The following DNAH17 variants were observed in gnomAD, a reference collection of about 807,000 sequenced individuals.
The protein encoded by DNAH17 is dynein axonemal heavy chain 17, also known as axonemal beta dynein heavy chain 17.
In DNAH17, 376 loss-of-function variants were observed where a neutral mutation model predicts 485.6. The observed-to-expected ratio is 0.77, with a 90% CI of 0.71 to 0.84. The LOEUF (loss-of-function observed/expected upper bound fraction) is 0.84, where lower values mean the gene tolerates loss of function less well. Among genes scored for constraint, DNAH17 ranks in the 40% least tolerant of loss-of-function variants. The pLI is 0.00. For synonymous variants in DNAH17, 3,031 were observed against 2,405.9 expected, an observed-to-expected ratio of 1.26 and a Z score of -7.60; for missense variants, 6,370 against 5,839.3, an observed-to-expected ratio of 1.09 and a Z score of -2.96.
rs775233102 is a variant in DNAH17 at position 78,454,615 on chromosome 17, T to C, written c.10261A>G (p.Ser3421Gly). 6.2e-7 allele frequency: 1 copy of C among 1,613,040 alleles called. No individual in the cohort carries two copies. Among genetic ancestry groups the C allele is most frequent in the Non-Finnish European group, 8.5e-7 (1 of 1,179,854 alleles). The change falls in exon 64 of 81, where the codon AGC becomes GGC. Residue 3421 changes from serine (S) to glycine (G), a missense_variant. Coordinates refer to ENST00000389840, the MANE Select transcript of DNAH17 (RefSeq NM_173628.4). ...GCATTCTCGGTGGACATGCGGTCGC[T>C]GGGGAGGCCCTGGTTGTTCCAGGTG... ...VATWNNQGLP[S>G]DRMSTENATI...
chr17:78,467,609 G>C (rs961051900), intron 55 of DNAH17, among the ~76,000 whole-genome samples: 1 of 152,182 alleles, frequency 6.6e-6, no homozygotes, highest in Non-Finnish European at 1.5e-5. Context: ...ATGGCCGGCA[G>C]GTGTCCAGGA....
In DNAH17 at chr17:78,571,368, G is replaced by A. The variant is rs781324328; in HGVS notation, c.743C>T (p.Pro248Leu). ...GATCTCAACAATCTTGTTCACTTTG[G>A]GTCTGTTTAGCTGAGAAGGGGAGTG... ...LKCIHEQLNR[P>L]KVNKIVEILE... Residue 248 changes from proline to leucine, a missense_variant, in exon 5 of 81, where the codon CCC becomes CTC. Pro to Leu is a moderately conservative substitution (Grantham distance 98, BLOSUM62 -3). Coordinates refer to ENST00000389840, the MANE Select transcript of DNAH17 (RefSeq NM_173628.4). 3 of 1,613,502 alleles carry A rather than the reference G, an allele frequency of 1.9e-6. No individual in the cohort carries two copies. Among genetic ancestry groups the A allele is most frequent in the Non-Finnish European group, 2.5e-6 (3 of 1,179,592 alleles).
intron 62 of DNAH17, among the ~76,000 whole-genome samples, chr17:78,458,112 T>C (rs943322190): frequency 2.0e-5 from 3 of 152,240 alleles, no homozygotes; most frequent in Admixed American, 2.0e-4. Context: ...CCAGCCTCTG[T>C]ACTTTTTAAA....
In DNAH17 at chr17:78,494,030, A is replaced by T. The variant is rs369102888; in HGVS notation, c.6408+6T>A. 6.2e-7 allele frequency: 1 copy of T among 1,610,990 alleles called. No individual in the cohort carries two copies. Among genetic ancestry groups the T allele is most frequent in the African/African-American group, 1.3e-5 (1 of 74,880 alleles). ...CCCTGCAAGGTCCCTGGAGCGGGTG[A>T]CACACCTGAGATTTGCCGCTGCCCG... On this transcript the variant is annotated splice_donor_region_variant and intron_variant, in intron 41 of 80. Coordinates refer to ENST00000389840, the MANE Select transcript of DNAH17 (RefSeq NM_173628.4).
chr17:78,568,853 C>T (rs948963041), intron 9 of DNAH17, among the ~76,000 whole-genome samples: 1 of 152,166 alleles, frequency 6.6e-6, no homozygotes, highest in African/African-American at 2.4e-5. Context: ...AATTGAGTCC[C>T]ACTAAGTGAC....
chr17:78,515,787 A>C (rs2090763828), intron 25 of DNAH17, among the ~76,000 whole-genome samples: 2 of 152,244 alleles, frequency 1.3e-5, no homozygotes, highest in African/African-American at 2.4e-5. Context: ...AACTGCTTGG[A>C]ACTACAGCAT....
At chr17:78,571,062 G>C in intron 5 of DNAH17, 29 bp from the exon 6 acceptor site, 1 of 1,547,956 alleles carries the variant, frequency 6.5e-7, no homozygotes, top group Non-Finnish European at 8.8e-7. Context: ...AGTGCCCACC[G>C]GTAAGAGAGC....
chr17:78,477,444 T>C (rs893852556), intron 51 of DNAH17, among the ~76,000 whole-genome samples: 3 of 152,116 alleles, frequency 2.0e-5, no homozygotes, highest in Non-Finnish European at 2.9e-5. Flanking sequence ...AGTGGCACGA[T>C]CTCAGCTTAC....
intron 44 of DNAH17, among the ~76,000 whole-genome samples, chr17:78,489,135 T>C (rs1317266528): frequency 6.6e-6 from 1 of 152,158 alleles, no homozygotes; most frequent in Non-Finnish European, 1.5e-5. Flanking sequence ...CCTGTCCCCA[T>C]AGGGAACATT....
chr17:78,456,356 G>A lies in DNAH17; in HGVS notation c.9978-520C>T, dbSNP rs114244710. On this transcript the variant is annotated intron_variant, in intron 62 of 80. Transcript: ENST00000389840. ...CAAAAAACTCCTTGGCAGCCCTTAG[G>A]AATGCTGTGTTTCCTCTTCCCAAGT... is the stretch of plus-strand genomic sequence containing the variant. 7.3e-3 allele frequency among the ~76,000 whole-genome samples: 1,118 copies of A among 152,202 alleles called. 15 individuals carry two copies. The highest frequency in any genetic ancestry group is 0.025 in the African/African-American group (1,030 of 41,508).
In DNAH17 at chr17:78,526,644, A is replaced by G; in HGVS notation, c.3711+7T>C. ...TACCCCCTGATCTCACCCTTGAGCA[A>G]AAATACCTTATTCAGGGACTTGTAG... On this transcript the variant is annotated splice_region_variant and intron_variant, in intron 24 of 80. Coordinates refer to ENST00000389840, the MANE Select transcript of DNAH17 (RefSeq NM_173628.4). 6.3e-7 allele frequency: 1 copy of G among 1,594,050 alleles called. No homozygotes were observed.
In DNAH17 at chr17:78,485,725, G is replaced by A. The variant is rs145389838; in HGVS notation, c.7308C>T (p.Arg2436=). The A allele has an allele frequency of 2.8e-4, 456 of 1,613,978 alleles. 3 individuals are homozygous for A. In the African/African-American group the frequency reaches 5.3e-3, roughly 19 times the overall value. ...ASLVHTTETI[R]IRYFMDLLME... is the part of the protein sequence containing the mutation. ...TGAGCAGGTCCATGAAGTAGCGGAT[G>A]CGGATGGTTTCCGTGGTGTGGACCA... The change falls in exon 47 of 81, where the codon CGC becomes CGT. Residue 2436 remains arginine, a synonymous_variant. Transcript: ENST00000389840.
intron 13 of DNAH17, among the ~76,000 whole-genome samples, chr17:78,559,048 G>A (rs865876031): frequency 6.6e-6 from 1 of 152,202 alleles, no homozygotes; most frequent in Non-Finnish European, 1.5e-5. Flanking sequence ...GGGAGCCACA[G>A]ACCTTGTTCC....
intron 41 of DNAH17, chr17:78,493,089 G>C (rs1196729548): frequency 4.9e-6 from 1 of 203,320 alleles, no homozygotes; most frequent in Non-Finnish European, 1.0e-5. Flanking sequence ...GATCTCAGGT[G>C]ATCAGCCCGC....
intron 40 of DNAH17, 69 bp from the exon 41 acceptor site, chr17:78,494,242 G>T: frequency 3.2e-6 from 5 of 1,561,138 alleles, no homozygotes; most frequent in Non-Finnish European, 4.3e-6. Flanking sequence ...TGGGAGGCTG[G>T]GGGGCTTCCT....
chr17:78,499,334 G>A (rs1173729141), intron 36 of DNAH17: 6 of 389,486 alleles, frequency 1.5e-5, no homozygotes, highest in Non-Finnish European at 2.7e-5. Flanking sequence ...TTTCACCCTT[G>A]CCTCCCAGAC....
At position 78,454,709 on chromosome 17, in the gene DNAH17, C is replaced by A. The variant is rs2087713489; in HGVS notation, c.10171-4G>T. On this transcript the variant is annotated splice_polypyrimidine_tract_variant and splice_region_variant and intron_variant, in intron 63 of 80. Coordinates refer to ENST00000389840, the MANE Select transcript of DNAH17 (RefSeq NM_173628.4). ...CATTCGTGATCGGGATGGGGACCTG[C>A]CCAGGGAGGCACACTTTCTTAGAGG... The A allele has an allele frequency of 6.2e-7, 1 of 1,609,134 alleles. No individual in the cohort carries two copies. Among genetic ancestry groups the A allele is most frequent in the South Asian group, 1.1e-5 (1 of 91,052 alleles).
chr17:78,490,907 T>G (rs896968174), intron 43 of DNAH17, 60 bp from the exon 44 acceptor site: 6 of 1,503,782 alleles, frequency 4.0e-6, no homozygotes, highest in Non-Finnish European at 5.4e-6. Context: ...CCAATGGTGT[T>G]CTGGGGTGGG....
intron 14 of DNAH17, among the ~76,000 whole-genome samples, chr17:78,555,543 CAAA>C (rs765954549): frequency 0.15 from 11,378 of 76,986 alleles, 137 homozygotes; most frequent in Non-Finnish European, 0.19. Flanking sequence ...GATTCCGTCA[CAAA>C]AAAAAAAAAA....
Sources: gnomAD v4.1 joint callset for allele counts (sites outside exome capture counted in the v4.1 genomes callset) on GRCh38, gnomAD v4.1.1 for gene constraint, MANE v1.5 for transcripts, NCBI Gene and HGNC (gene_info 2026-07-23, HGNC 2026-07-21) for gene names.